The following SNCAIP variants were observed in gnomAD, a reference collection of about 807,000 sequenced individuals.
SNCAIP encodes synphilin-1.
In SNCAIP, 43 loss-of-function variants were observed where a neutral mutation model predicts 86.7. That is an observed-to-expected ratio of 0.50 (90% CI 0.39 to 0.64). The LOEUF is 0.64. Ranked by LOEUF, SNCAIP falls within the 30% of genes least tolerant of loss-of-function variation. The pLI is 0.00. For synonymous variants in SNCAIP, 417 were observed against 427.2 expected (o/e 0.98, Z 0.29); for missense variants, 981 against 1,103.1 (o/e 0.89, Z 1.57).
intron 7 of SNCAIP, chr5:122,443,705 G>A (rs202060121): frequency 1.8e-5 from 8 of 454,856 alleles, no homozygotes; most frequent in East Asian, 1.4e-4. Context: ...GAAAAAGTCC[G>A]GTATCTCTTT....
intron 10 of SNCAIP, among the ~76,000 whole-genome samples, chr5:122,454,979 A>C (rs1784443285): frequency 6.6e-6 from 1 of 152,234 alleles, no homozygotes; most frequent in Non-Finnish European, 1.5e-5. Context: ...TCTAAGCTTA[A>C]GGAAAAGTCC....
intron 1 of SNCAIP, among the ~76,000 whole-genome samples, chr5:122,390,622 T>C (rs1475853733): frequency 6.6e-6 from 1 of 152,222 alleles, no homozygotes; most frequent in African/African-American, 2.4e-5. Flanking sequence ...CTGTCTTGTG[T>C]TATTCCTGTG....
At chr5:122,444,934 CTAAACAG>C (rs1781951118) in intron 8 of SNCAIP, 2 of 623,524 alleles carry the variant, frequency 3.2e-6, no homozygotes, top group Admixed American at 2.3e-5. Flanking sequence ...AAAAGGATGT[CTAAACAG>C]TAAAGTGTAC....
chr5:122,455,542 G>A (rs1213657986), intron 10 of SNCAIP, among the ~76,000 whole-genome samples: 1 of 152,164 alleles, frequency 6.6e-6, no homozygotes, highest in African/African-American at 2.4e-5. Flanking sequence ...GCAGTCATTG[G>A]GTTGGAGTTG....
At chr5:122,451,815 G>A in intron 10 of SNCAIP, 1 of 528,500 alleles carries the variant, frequency 1.9e-6, no homozygotes. Flanking sequence ...CTCTAAGAGA[G>A]AAAGGTTAAA....
chr5:122,416,837 T>G (rs554002551), intron 3 of SNCAIP, among the ~76,000 whole-genome samples: 1 of 152,312 alleles, frequency 6.6e-6, no homozygotes, highest in South Asian at 2.1e-4. Context: ...AGAAATGGAA[T>G]GTTGGAGAAC....
intron 1 of SNCAIP, chr5:122,388,814 G>C (rs1461101913): frequency 6.6e-6 from 1 of 152,252 alleles, no homozygotes; most frequent in African/African-American, 2.4e-5. Context: ...ATTGGATCAT[G>C]AACAGAATGA....
intron 7 of SNCAIP, among the ~76,000 whole-genome samples, chr5:122,442,959 G>A (rs1451863545): frequency 6.6e-6 from 1 of 152,142 alleles, no homozygotes; most frequent in Non-Finnish European, 1.5e-5. Context: ...CCTATGAGGT[G>A]AGGAGGGGAC....
Position 122,423,663 on chromosome 5 carries a change from C to T in SNCAIP, c.926C>T (p.Pro309Leu), listed in dbSNP as rs1346244418. The T allele has an allele frequency of 1.2e-6, 2 of 1,611,120 alleles. No homozygotes were observed. Among genetic ancestry groups the T allele is most frequent in the East Asian group, 4.5e-5 (2 of 44,890 alleles). ...CTAAACCGGACCAGCTCCCAAGGCC[C>T]AGAAGAAAGGAGTGAGTATCTGAAA... ...SGLNRTSSQG[P>L]EERSEYLKKV... The change falls in exon 4 of 11, where the codon CCA (proline) becomes CTA (leucine). Residue 309 changes from proline to leucine, a missense_variant. Transcript: ENST00000261368.
chr5:122,319,394 A>G (rs1752489525), intron 1 of SNCAIP, among the ~76,000 whole-genome samples: 1 of 152,210 alleles, frequency 6.6e-6, no homozygotes, highest in South Asian at 2.1e-4. Flanking sequence ...GTACTGCTGC[A>G]TATAAAATGC....
intron 1 of SNCAIP, among the ~76,000 whole-genome samples, chr5:122,318,857 A>G (rs1457732672): frequency 6.6e-6 from 1 of 152,132 alleles, no homozygotes; most frequent in African/African-American, 2.4e-5. Flanking sequence ...GATATTTAAT[A>G]ATTAATATTT....
Position 122,375,241 on chromosome 5 carries a change from A to G in SNCAIP, c.-46-15848A>G, listed in dbSNP as rs187864018. 6.7e-4 allele frequency among the ~76,000 whole-genome samples: 102 copies of G among 152,274 alleles called. 1 individual carries two copies. The highest frequency in any genetic ancestry group is 2.4e-3 in the African/African-American group (99 of 41,580). On this transcript the variant is annotated intron_variant, in intron 1 of 10. Transcript: ENST00000261368. ...CAGTTATCAAATTGGTACATTTACA[A>G]ATTGGAAGAATTTATAAAACCTTCA...
At chr5:122,427,746 G>A (rs1446492255) in intron 5 of SNCAIP, among the ~76,000 whole-genome samples, 2 of 152,146 alleles carry the variant, frequency 1.3e-5, no homozygotes, top group East Asian at 3.9e-4. Flanking sequence ...GTCATGGAAA[G>A]ACAAAGTTGG....
intron 1 of SNCAIP, among the ~76,000 whole-genome samples, chr5:122,379,802 T>C (rs1424007402): frequency 6.8e-6 from 1 of 147,908 alleles, no homozygotes; most frequent in African/African-American, 2.5e-5. Flanking sequence ...GATAATCATG[T>C]GGTTTTTGTC....
intron 3 of SNCAIP, among the ~76,000 whole-genome samples, chr5:122,422,037 C>T (rs1401643548): frequency 3.3e-5 from 5 of 150,422 alleles, no homozygotes; most frequent in East Asian, 1.9e-4. Flanking sequence ...AACCACTCTG[C>T]CTGACCCATT....
intron 2 of SNCAIP, among the ~76,000 whole-genome samples, chr5:122,394,281 T>C (rs1248216016): frequency 1.3e-5 from 2 of 152,214 alleles, no homozygotes; most frequent in East Asian, 3.8e-4. Flanking sequence ...TTCTATTCCA[T>C]GGTATTTCCC....
At chr5:122,432,322 A>G (rs574199553) in intron 6 of SNCAIP, among the ~76,000 whole-genome samples, 4 of 152,288 alleles carry the variant, frequency 2.6e-5, no homozygotes, top group African/African-American at 9.6e-5. Context: ...ATGACATTTT[A>G]TGGGAAAATG....
intron 10 of SNCAIP, among the ~76,000 whole-genome samples, chr5:122,462,221 A>G (rs1437557636): frequency 6.6e-6 from 1 of 152,188 alleles, no homozygotes; most frequent in Non-Finnish European, 1.5e-5. Context: ...CAAATCAGTT[A>G]GTTGGATTCC....
intron 3 of SNCAIP, among the ~76,000 whole-genome samples, chr5:122,417,386 G>A (rs1284961285): frequency 6.6e-6 from 1 of 152,158 alleles, no homozygotes; most frequent in Non-Finnish European, 1.5e-5. Flanking sequence ...TAGAAATTTA[G>A]GGGTGGATCG....
Sources: allele counts gnomAD v4.1 joint callset (sites outside exome capture counted in the v4.1 genomes callset), GRCh38; gene constraint gnomAD v4.1.1; transcripts MANE v1.5; gene names NCBI Gene and HGNC (gene_info 2026-07-23, HGNC 2026-07-21).